ARHGEF10: variants seen among roughly 807,000 people sequenced by gnomAD.
ARHGEF10 encodes Rho guanine nucleotide exchange factor (GEF) 10.
In ARHGEF10, 140 loss-of-function variants were observed where a neutral mutation model predicts 147.4. The observed-to-expected ratio is 0.95, with a 90% CI of 0.83 to 1.09. ARHGEF10 has a LOEUF of 1.09. Ranked by LOEUF, ARHGEF10 falls within the 50% of genes least tolerant of loss-of-function variation. The pLI is 0.00. For synonymous variants in ARHGEF10, 902 were observed against 695.8 expected, an observed-to-expected ratio of 1.30 and a Z score of -4.67; for missense variants, 2,222 against 1,752.7, an observed-to-expected ratio of 1.27 and a Z score of -4.78.
intron 4 of ARHGEF10, among the ~76,000 whole-genome samples, chr8:1,860,476 C>T (rs1237822916): frequency 6.6e-6 from 1 of 151,668 alleles, no homozygotes; most frequent in East Asian, 1.9e-4. Context: ...CCTCTCCATG[C>T]CCCTGATGTG....
rs375038419 is a variant in ARHGEF10, at chr8:1,871,417, A to G, written c.679+2167A>G. On this transcript the variant is annotated intron_variant, in intron 7 of 28. Coordinates refer to ENST00000349830, the MANE Select transcript of ARHGEF10 (RefSeq NM_014629.4). Reference sequence around the variant, plus strand: ...TATACTACTCTGTAACTCATGGTCAAAGATAAAATGGAAATGAAAATATTT... The same window carrying G: ...TATACTACTCTGTAACTCATGGTCAGAGATAAAATGGAAATGAAAATATTT... Among the ~76,000 whole-genome samples the G allele has an allele frequency of 3.9e-5, 6 of 152,344 alleles. No individual in the cohort carries two copies. The South Asian group carries it at 1.2e-3, about 32-fold the overall frequency.
At chr8:1,945,900 G>GTGCTGGGAGGAGCCGCA (rs1175538888) in intron 27 of ARHGEF10, 29 of 688,634 alleles carry the variant, frequency 4.2e-5, no homozygotes, top group East Asian at 1.6e-4. Flanking sequence ...GAGGAGCCGC[G>GTGCTGGGAGGAGCCGCA]TGCTGGGAGG....
chr8:1,874,660 G>C (rs950549282), intron 7 of ARHGEF10, among the ~76,000 whole-genome samples: 893 of 131,582 alleles, frequency 6.8e-3, no homozygotes, highest in Middle Eastern at 0.015. Flanking sequence ...ACACACACCA[G>C]GGTGTGTAGG....
rs1175794213 is a variant in ARHGEF10, at chr8:1,824,001, C to G, written c.-160C>G. ...GGGGTCGCGGGGGACGCGGGGGACG[C>G]GGGGGACGGCGGGGAACGGCGGGGG... On this transcript the variant is annotated 5_prime_UTR_variant, in exon 1 of 29. Coordinates refer to ENST00000349830, the MANE Select transcript of ARHGEF10 (RefSeq NM_014629.4). The G allele has an allele frequency of 7.3e-4, 30 of 41,340 alleles. No individual in the cohort carries two copies. Among genetic ancestry groups the G allele is most frequent in the African/African-American group, 2.8e-3 (27 of 9,728 alleles). The allele number at this position is 41,340 out of a possible 1,614,324, so 2.6% of individuals were successfully genotyped here.
intron 7 of ARHGEF10, among the ~76,000 whole-genome samples, chr8:1,872,027 A>G (rs552035910): frequency 2.0e-5 from 3 of 152,296 alleles, no homozygotes; most frequent in Admixed American, 1.3e-4. Context: ...GCCTCTGGTT[A>G]TATTAAGATG....
intron 11 of ARHGEF10, among the ~76,000 whole-genome samples, chr8:1,890,644 T>A (rs113492064): frequency 2.3e-5 from 3 of 131,776 alleles, no homozygotes; most frequent in South Asian, 2.6e-4. Context: ...CAGTGAGGGT[T>A]GTGAGGAGAC....
At chr8:1,904,485 C>G (rs374771291) in intron 16 of ARHGEF10, among the ~76,000 whole-genome samples, 1 of 152,172 alleles carries the variant, frequency 6.6e-6, no homozygotes, top group Non-Finnish European at 1.5e-5. Context: ...CATATTTTCC[C>G]CATTTCTCCA....
intron 5 of ARHGEF10, among the ~76,000 whole-genome samples, chr8:1,865,991 G>C (rs1267178830): frequency 6.6e-6 from 1 of 152,218 alleles, no homozygotes. Flanking sequence ...CATTCCCGTA[G>C]CTACCCATTG....
intron 2 of ARHGEF10, among the ~76,000 whole-genome samples, chr8:1,844,593 G>A (rs10099442): frequency 0.46 from 69,864 of 151,940 alleles, 17,729 homozygotes; most frequent in South Asian, 0.6. Context: ...CTCCGGAGCC[G>A]CAAGACCACG....
chr8:1,941,156 T>G (rs1814060551), intron 26 of ARHGEF10, among the ~76,000 whole-genome samples: 1 of 152,182 alleles, frequency 6.6e-6, no homozygotes, highest in African/African-American at 2.4e-5. Flanking sequence ...AGGACTCAGA[T>G]GAAAGGAAGA....
chr8:1,852,038 C>T (rs957123488), intron 2 of ARHGEF10, among the ~76,000 whole-genome samples: 2 of 152,080 alleles, frequency 1.3e-5, no homozygotes, highest in East Asian at 1.9e-4. Flanking sequence ...GGCCGTTAGC[C>T]GTCTTGATAG....
intron 2 of ARHGEF10, among the ~76,000 whole-genome samples, chr8:1,845,641 A>G (rs1804499147): frequency 6.6e-6 from 1 of 152,182 alleles, no homozygotes; most frequent in African/African-American, 2.4e-5. Context: ...CCGTTTTCTC[A>G]TTAAATTTAT....
intron 4 of ARHGEF10, among the ~76,000 whole-genome samples, chr8:1,862,649 G>A (rs567833706): frequency 3.9e-5 from 6 of 152,188 alleles, no homozygotes; most frequent in Non-Finnish European, 7.4e-5. Context: ...ACACCCCCGT[G>A]GGGGAGACAT....
In ARHGEF10 at chr8:1,872,997, G is replaced by C. The variant is rs529786088; in HGVS notation, c.680-3574G>C. Among the ~76,000 whole-genome samples the C allele has an allele frequency of 3.9e-5, 6 of 152,308 alleles. No individual in the cohort carries two copies. In the South Asian group the frequency reaches 1.2e-3, roughly 32 times the overall value. ...TGGGGTAATTTATCCGGTCGCTTCG[G>C]GCATTCCTCGCGGAAGGCGTGGTCT... is the stretch of plus-strand genomic sequence containing the variant. On this transcript the variant is annotated intron_variant, in intron 7 of 28. Coordinates refer to ENST00000349830, the MANE Select transcript of ARHGEF10 (RefSeq NM_014629.4).
rs576538618 is a variant in ARHGEF10 at position 1,928,439 on chromosome 8, A to G, written c.2710A>G (p.Thr904Ala). The stretch of plus-strand genomic sequence containing the variant: ...TTCTCTGATTCAGATCGGAAGTTGC[A>G]CCCATCAAATGGGTCAGATTGCCAT... ...AHGFLWIGSC[T>A]HQMGQIAIVS... The change falls in exon 24 of 29, where the codon ACC becomes GCC. Residue 904 changes from threonine to alanine, a missense_variant. Physicochemically the swap from Thr to Ala is moderately conservative, Grantham distance 58. Transcript: ENST00000349830. The G allele has an allele frequency of 1.5e-5, 25 of 1,614,026 alleles. No homozygotes were observed. In the East Asian group the frequency reaches 4.5e-4, roughly 29 times the overall value.
intron 14 of ARHGEF10, 57 bp downstream of exon 14, chr8:1,896,506 T>C: frequency 8.2e-7 from 1 of 1,225,908 alleles, no homozygotes; most frequent in Non-Finnish European, 1.2e-6. Context: ...AAGTTACATG[T>C]CAAAGCTTGA....
chr8:1,833,025 GACAGGC>G (rs1194965114), intron 1 of ARHGEF10, among the ~76,000 whole-genome samples: 2 of 82,652 alleles, frequency 2.4e-5, no homozygotes, highest in Non-Finnish European at 5.2e-5. Context: ...CAGAGGCAGA[GACAGGC>G]AGAGAGAGAC....
At chr8:1,837,605 G>C (rs1032649056) in intron 1 of ARHGEF10, among the ~76,000 whole-genome samples, 1 of 152,224 alleles carries the variant, frequency 6.6e-6, no homozygotes, top group East Asian at 1.9e-4. Context: ...TAGGTAGAGC[G>C]TGCTGGTGTT....
intron 26 of ARHGEF10, chr8:1,944,030 C>G (rs1814328329): frequency 6.5e-6 from 1 of 153,484 alleles, no homozygotes; most frequent in Admixed American, 6.5e-5. Context: ...TGTGGGCCAG[C>G]CTCCCTGACT....
Sources: allele counts gnomAD v4.1 joint callset (sites outside exome capture counted in the v4.1 genomes callset), GRCh38; gene constraint gnomAD v4.1.1; transcripts MANE v1.5; gene names NCBI Gene and HGNC (gene_info 2026-07-23, HGNC 2026-07-21).